Variants in LRP1B observed in about 807,000 individuals in gnomAD.
LRP1B encodes LDL receptor related protein 1B, also known as low-density lipoprotein receptor-related protein 1B.
Under a neutral mutation model 556.6 loss-of-function variants are expected in LRP1B, and 217 were observed. That is an observed-to-expected ratio of 0.39 (90% CI 0.35 to 0.44). The LOEUF is 0.44. Ranked by LOEUF, LRP1B falls within the 20% of genes least tolerant of loss-of-function variation. The probability of loss-of-function intolerance (pLI) is 1.00; values close to 1 mark genes in which losing one functional copy is unlikely to be tolerated. For synonymous variants in LRP1B, 2,047 were observed against 1,865.8 expected (o/e 1.10, Z -2.50); for missense variants, 5,053 against 5,620.8 (o/e 0.90, Z 3.23).
intron 82 of LRP1B, among the ~76,000 whole-genome samples, chr2:140,317,773 A>G (rs1169990031): frequency 6.6e-6 from 1 of 152,104 alleles, no homozygotes; most frequent in African/African-American, 2.4e-5. Flanking sequence ...TGTCAGTTCT[A>G]TGAAAACCAC....
intron 2 of LRP1B, among the ~76,000 whole-genome samples, chr2:141,553,790 A>G (rs866360425): frequency 7.1e-6 from 1 of 139,964 alleles, no homozygotes; most frequent in Non-Finnish European, 1.5e-5. Flanking sequence ...ATAAATATAT[A>G]GAAATATATA....
intron 2 of LRP1B, among the ~76,000 whole-genome samples, chr2:141,593,898 T>C (rs1266412169): frequency 6.6e-6 from 1 of 152,144 alleles, no homozygotes; most frequent in Non-Finnish European, 1.5e-5. Context: ...TCAGCTGTCA[T>C]TAGCTTGAAA....
At chr2:140,770,243 A>G (rs1255451033) in intron 34 of LRP1B, among the ~76,000 whole-genome samples, 4 of 151,872 alleles carry the variant, frequency 2.6e-5, no homozygotes. Context: ...AGTATCATAT[A>G]AATATTGGAT....
chr2:141,145,339 C>A (rs1000544901), intron 7 of LRP1B, among the ~76,000 whole-genome samples: 4 of 151,826 alleles, frequency 2.6e-5, no homozygotes, highest in Non-Finnish European at 5.9e-5. Flanking sequence ...TATAAGTGTA[C>A]ACTGTACACT....
chr2:142,099,258 C>T (rs537514584), intron 1 of LRP1B, among the ~76,000 whole-genome samples: 2 of 151,944 alleles, frequency 1.3e-5, no homozygotes, highest in South Asian at 4.1e-4. Context: ...ATACATTCTT[C>T]CCTTGGTGGC....
At chr2:141,029,793 C>T (rs1304294367) in intron 11 of LRP1B, among the ~76,000 whole-genome samples, 1 of 152,024 alleles carries the variant, frequency 6.6e-6, no homozygotes, top group Non-Finnish European at 1.5e-5. Flanking sequence ...CAGGTTTATT[C>T]CCCACCATCC....
intron 66 of LRP1B, among the ~76,000 whole-genome samples, chr2:140,421,986 G>A (rs866384071): frequency 1.3e-5 from 2 of 152,170 alleles, no homozygotes; most frequent in South Asian, 2.1e-4. Context: ...ATATAGTAAA[G>A]CCTTCTTACA....
At chr2:140,934,236 G>A (rs910637869) in intron 20 of LRP1B, among the ~76,000 whole-genome samples, 1 of 152,048 alleles carries the variant, frequency 6.6e-6, no homozygotes, top group African/African-American at 2.4e-5. Flanking sequence ...ATTTTGCTGA[G>A]TCTATAACAC....
chr2:141,390,119 C>G (rs1248510840), intron 3 of LRP1B, among the ~76,000 whole-genome samples: 1 of 152,044 alleles, frequency 6.6e-6, no homozygotes, highest in Admixed American at 6.6e-5. Context: ...GCCTGGGGAA[C>G]AAGAGCGAAA....
intron 1 of LRP1B, among the ~76,000 whole-genome samples, chr2:142,035,878 G>T (rs549845831): frequency 6.6e-6 from 1 of 151,704 alleles, no homozygotes; most frequent in Non-Finnish European, 1.5e-5. Flanking sequence ...ATTGAATCAC[G>T]GGAGCCAGTC....
chr2:140,520,229 G>T (rs887761093), intron 49 of LRP1B, among the ~76,000 whole-genome samples: 1 of 152,126 alleles, frequency 6.6e-6, no homozygotes, highest in Non-Finnish European at 1.5e-5. Flanking sequence ...ATGATAGACT[G>T]GATTAAGAAA....
At chr2:142,105,484 G>A (rs536939689) in intron 1 of LRP1B, among the ~76,000 whole-genome samples, 96 of 152,194 alleles carry the variant, frequency 6.3e-4, no homozygotes, top group African/African-American at 2.1e-3. Flanking sequence ...TTCACAAAAT[G>A]TAGAATTTTG....
At chr2:141,822,126 C>CAGAGAGAGAGAGAG (rs1308046198) in intron 1 of LRP1B, among the ~76,000 whole-genome samples, 1,857 of 113,828 alleles carry the variant, frequency 0.016, 25 homozygotes, top group Admixed American at 0.05. Context: ...CACACACACA[C>CAGAGAGAGAGAGAG]ACACAGAGAG....
At chr2:141,614,120 T>A (rs1202133982) in intron 2 of LRP1B, among the ~76,000 whole-genome samples, 1 of 128,462 alleles carries the variant, frequency 7.8e-6, no homozygotes, top group African/African-American at 3.2e-5. Flanking sequence ...ATGTTTACTT[T>A]TTTCTGAATT....
chr2:140,551,356 G>C (rs181885087), intron 43 of LRP1B, among the ~76,000 whole-genome samples: 1 of 152,236 alleles, frequency 6.6e-6, no homozygotes, highest in Admixed American at 6.6e-5. Flanking sequence ...GGGGGACTGG[G>C]AAGAAAGGAC....
At chr2:140,351,604 CATTCT>C (rs1681963769) in intron 76 of LRP1B, among the ~76,000 whole-genome samples, 1 of 152,010 alleles carries the variant, frequency 6.6e-6, no homozygotes, top group Non-Finnish European at 1.5e-5. Flanking sequence ...CTAAGTGTAA[CATTCT>C]ATTCTAAAGT....
chr2:141,627,487 G>A (rs991164506), intron 2 of LRP1B, among the ~76,000 whole-genome samples: 1 of 152,192 alleles, frequency 6.6e-6, no homozygotes, highest in African/African-American at 2.4e-5. Flanking sequence ...GAGATGAGCT[G>A]CAGGCCAACC....
At chr2:141,063,792 C>T (rs1699405757) in intron 7 of LRP1B, among the ~76,000 whole-genome samples, 1 of 151,890 alleles carries the variant, frequency 6.6e-6, no homozygotes, top group Non-Finnish European at 1.5e-5. Context: ...CTTTTTCTCA[C>T]AATGCCTCTT....
chr2:140,404,044 T>A (rs1195325694), intron 66 of LRP1B, among the ~76,000 whole-genome samples: 1 of 151,358 alleles, frequency 6.6e-6, no homozygotes, highest in Non-Finnish European at 1.5e-5. Context: ...AAAGGAAAAA[T>A]AAAATCATTT....
Sources: allele counts gnomAD v4.1 joint callset (sites outside exome capture counted in the v4.1 genomes callset), GRCh38; gene constraint gnomAD v4.1.1; transcripts MANE v1.5; gene names NCBI Gene and HGNC (gene_info 2026-07-23, HGNC 2026-07-21).